The following EPHA3 variants were observed in gnomAD, a reference collection of about 807,000 sequenced individuals.
EPHA3 encodes EPH receptor A3.
EPHA3 carries 42 observed loss-of-function variants against 107.1 expected under a neutral mutation model. That is an observed-to-expected ratio of 0.39 (90% CI 0.31 to 0.51). EPHA3 has a LOEUF of 0.51. Among genes scored for constraint, EPHA3 ranks in the 20% least tolerant of loss-of-function variants. The probability of loss-of-function intolerance (pLI) is 0.78; values close to 1 mark genes in which losing one functional copy is unlikely to be tolerated. For synonymous variants in EPHA3, 461 were observed against 424.8 expected, an observed-to-expected ratio of 1.09 and a Z score of -1.05; for missense variants, 1,183 against 1,211.2, an observed-to-expected ratio of 0.98 and a Z score of 0.35.
chr3:89,276,940 A>G lies in EPHA3; in HGVS notation c.815-63976A>G, dbSNP rs192405450. ...TTATGGATCAATTTAACAGTTTTCAATGAGTATATCCCTTTTAAAATGTCA... is the reference window on the plus strand; with the variant it reads ...TTATGGATCAATTTAACAGTTTTCAGTGAGTATATCCCTTTTAAAATGTCA... On this transcript the variant is annotated intron_variant, in intron 3 of 16. Transcript: ENST00000336596. Among the ~76,000 whole-genome samples, 1,032 of 152,276 alleles carry G rather than the reference A, an allele frequency of 6.8e-3. 10 individuals carry two copies. The highest frequency in any genetic ancestry group is 0.012 in the Non-Finnish European group (803 of 67,998).
At chr3:89,380,711 A>G (rs1449591388) in intron 5 of EPHA3, among the ~76,000 whole-genome samples, 3 of 152,094 alleles carry the variant, frequency 2.0e-5, no homozygotes, top group Admixed American at 6.6e-5. Context: ...AAAGCAACAT[A>G]TAGTAAACTT....
intron 5 of EPHA3, among the ~76,000 whole-genome samples, chr3:89,345,987 T>A (rs1254217563): frequency 6.8e-6 from 1 of 146,988 alleles, no homozygotes; most frequent in African/African-American, 2.5e-5. Flanking sequence ...ATGGTGTATA[T>A]GTGCCACATT....
At chr3:89,396,917 T>G (rs1382542526) in intron 6 of EPHA3, among the ~76,000 whole-genome samples, 1 of 152,192 alleles carries the variant, frequency 6.6e-6, no homozygotes, top group East Asian at 1.9e-4. Context: ...AGAGTGATGT[T>G]ATATGAATTT....
At chr3:89,390,809 A>T (rs1708713283) in intron 5 of EPHA3, among the ~76,000 whole-genome samples, 1 of 102,938 alleles carries the variant, frequency 9.7e-6, no homozygotes, top group Non-Finnish European at 2.0e-5. Context: ...TTTGAGACAG[A>T]GTTTTACTCT....
chr3:89,229,689 T>C (rs1231919988), intron 3 of EPHA3, among the ~76,000 whole-genome samples: 1 of 151,896 alleles, frequency 6.6e-6, no homozygotes, highest in Non-Finnish European at 1.5e-5. Context: ...CTGCAATATA[T>C]GATAGATTCA....
At chr3:89,454,824 C>T (rs559087486) in intron 15 of EPHA3, among the ~76,000 whole-genome samples, 98 of 152,080 alleles carry the variant, frequency 6.4e-4, no homozygotes, top group Middle Eastern at 3.4e-3. Flanking sequence ...AGACCCCCAT[C>T]CCTACAAATT....
intron 11 of EPHA3, among the ~76,000 whole-genome samples, chr3:89,423,017 A>G (rs1709384369): frequency 6.6e-6 from 1 of 151,328 alleles, no homozygotes; most frequent in Non-Finnish European, 1.5e-5. Flanking sequence ...TCAAAAGGAT[A>G]GAACTTGTTC....
Position 89,447,343 on chromosome 3 carries a change from G to C in EPHA3, c.2347-1882G>C, listed in dbSNP as rs146022475. On this transcript the variant is annotated intron_variant, in intron 13 of 16. Transcript: ENST00000336596. The stretch of plus-strand genomic sequence containing the variant: ...GTGTCTTTGCAGGCTTATTCTTCCT[G>C]CTGATGGTGTTTTTCCATTTCCTCA... 1.8e-3 allele frequency among the ~76,000 whole-genome samples: 274 copies of C among 152,222 alleles called. 1 individual carries two copies. The highest frequency in any genetic ancestry group is 6.8e-3 in the Middle Eastern group (2 of 294).
intron 1 of EPHA3, among the ~76,000 whole-genome samples, chr3:89,117,727 A>G (rs1707289994): frequency 1.3e-5 from 2 of 152,060 alleles, no homozygotes; most frequent in South Asian, 4.1e-4. Context: ...TTTGAATTAC[A>G]AACAGGTGAT....
chr3:89,373,253 A>C (rs1708341750), intron 5 of EPHA3, among the ~76,000 whole-genome samples: 2 of 151,890 alleles, frequency 1.3e-5, no homozygotes, highest in Middle Eastern at 3.4e-3. Flanking sequence ...TTGTCATCCC[A>C]TTTAATCTTT....
intron 3 of EPHA3, among the ~76,000 whole-genome samples, chr3:89,322,519 T>A (rs1707067703): frequency 6.6e-6 from 1 of 152,110 alleles, no homozygotes; most frequent in South Asian, 2.1e-4. Flanking sequence ...AAGTCATACA[T>A]GTTTGGAAAC....
At chr3:89,429,449 C>A (rs1160434340) in intron 12 of EPHA3, among the ~76,000 whole-genome samples, 3 of 151,908 alleles carry the variant, frequency 2.0e-5, no homozygotes, top group African/African-American at 7.3e-5. Context: ...AAAAAGAATC[C>A]TAAAGCAAGT....
intron 16 of EPHA3, among the ~76,000 whole-genome samples, chr3:89,474,659 C>T (rs1710470494): frequency 6.6e-6 from 1 of 152,148 alleles, no homozygotes; most frequent in Admixed American, 6.5e-5. Flanking sequence ...AGGCAGAACA[C>T]TGTTGATAAG....
intron 5 of EPHA3, among the ~76,000 whole-genome samples, chr3:89,370,041 A>T (rs1708263289): frequency 6.6e-6 from 1 of 150,536 alleles, no homozygotes; most frequent in South Asian, 2.1e-4. Flanking sequence ...AAATAGGAAC[A>T]CTTTTACAAT....
chr3:89,142,850 C>T (rs1376599548), intron 2 of EPHA3, among the ~76,000 whole-genome samples: 1 of 151,342 alleles, frequency 6.6e-6, no homozygotes, highest in Non-Finnish European at 1.5e-5. Context: ...TAGAGATCCC[C>T]TTTATGCCTT....
intron 3 of EPHA3, among the ~76,000 whole-genome samples, chr3:89,220,897 G>C (rs750643410): frequency 1.3e-5 from 2 of 152,114 alleles, no homozygotes; most frequent in Non-Finnish European, 2.9e-5. Context: ...CTTTCCTTTA[G>C]CATGTGACTG....
intron 1 of EPHA3, among the ~76,000 whole-genome samples, chr3:89,126,097 G>A (rs188886140): frequency 1.4e-4 from 21 of 151,722 alleles, no homozygotes; most frequent in African/African-American, 2.4e-4. Context: ...CATGTTGTGC[G>A]GTGTATGTAT....
chr3:89,305,776 A>G (rs1706606133), intron 3 of EPHA3, among the ~76,000 whole-genome samples: 1 of 152,158 alleles, frequency 6.6e-6, no homozygotes, highest in Non-Finnish European at 1.5e-5. Flanking sequence ...GCGTTCAACC[A>G]GACTACTTGG....
chr3:89,193,036 T>C (rs1432228865), intron 2 of EPHA3, among the ~76,000 whole-genome samples: 1 of 152,120 alleles, frequency 6.6e-6, no homozygotes, highest in East Asian at 1.9e-4. Flanking sequence ...CTGAAATCTT[T>C]TGTACAAAGT....
Sources: gnomAD v4.1 joint callset for allele counts (sites outside exome capture counted in the v4.1 genomes callset) on GRCh38, gnomAD v4.1.1 for gene constraint, MANE v1.5 for transcripts, NCBI Gene and HGNC (gene_info 2026-07-23, HGNC 2026-07-21) for gene names.